Variants in ZFAND3 observed in about 807,000 individuals in gnomAD.
ZFAND3 encodes the protein zinc finger AN1-type containing 3.
A neutral mutation model predicts 29.6 loss-of-function variants in ZFAND3; 10 were observed. The ratio of observed to expected loss-of-function variants is 0.34; its 90% CI spans 0.21 to 0.57. The LOEUF (loss-of-function observed/expected upper bound fraction) is 0.57. ZFAND3 is among the 20% of genes least tolerant of loss of function. ZFAND3 has a pLI of 0.86. For synonymous variants in ZFAND3, 128 were observed against 112.6 expected (o/e 1.14, Z -0.87); for missense variants, 230 against 304.5 (o/e 0.76, Z 1.82).
rs1465667809 is a variant in ZFAND3, at chr6:38,121,309, C to T, written c.529+4570C>T. ...GAGGATGGCTTTCAGCCCAGGAGTTCGAGGCTACAGTGAGTCTTGGTCACA... is the reference window on the plus strand; with the variant it reads ...GAGGATGGCTTTCAGCCCAGGAGTTTGAGGCTACAGTGAGTCTTGGTCACA... On this transcript the variant is annotated intron_variant, in intron 5 of 5. Coordinates refer to ENST00000287218, the MANE Select transcript of ZFAND3 (RefSeq NM_021943.3). 2.0e-5 allele frequency among the ~76,000 whole-genome samples: 3 copies of T among 152,142 alleles called. No individual in the cohort carries two copies. In the East Asian group the frequency reaches 5.8e-4, roughly 29 times the overall value.
chr6:38,071,873 GA>G (rs1764460718), intron 3 of ZFAND3, among the ~76,000 whole-genome samples: 2 of 152,108 alleles, frequency 1.3e-5, no homozygotes, highest in African/African-American at 4.8e-5. Flanking sequence ...AAATATTTAG[GA>G]AAAGTTTTGT....
intron 1 of ZFAND3, among the ~76,000 whole-genome samples, chr6:37,835,924 A>G (rs1370799803): frequency 2.0e-5 from 3 of 152,202 alleles, no homozygotes; most frequent in Non-Finnish European, 4.4e-5. Context: ...CAGTTTATCT[A>G]GTTCCTTCTT....
At chr6:38,057,354 G>T (rs149479802) in intron 2 of ZFAND3, among the ~76,000 whole-genome samples, 36 of 152,308 alleles carry the variant, frequency 2.4e-4, no homozygotes, top group African/African-American at 7.2e-4. Context: ...GAAGTTGGAT[G>T]CTGGGTGGTT....
chr6:37,882,803 ATGTC>A (rs1455704207), intron 1 of ZFAND3, among the ~76,000 whole-genome samples: 1 of 152,110 alleles, frequency 6.6e-6, no homozygotes, highest in Admixed American at 6.5e-5. Context: ...CTTTGTTTCT[ATGTC>A]TGTTCACTGT....
At chr6:37,974,925 A>G (rs920062951) in intron 2 of ZFAND3, among the ~76,000 whole-genome samples, 1 of 152,218 alleles carries the variant, frequency 6.6e-6, no homozygotes, top group Non-Finnish European at 1.5e-5. Flanking sequence ...GTAGGAATAT[A>G]GATGTGTGCC....
chr6:37,863,721 C>T (rs1322686086), intron 1 of ZFAND3, among the ~76,000 whole-genome samples: 1 of 151,982 alleles, frequency 6.6e-6, no homozygotes, highest in Non-Finnish European at 1.5e-5. Context: ...ACCAGGCAGT[C>T]AGTCATCTGT....
intron 1 of ZFAND3, among the ~76,000 whole-genome samples, chr6:37,913,708 C>CT (rs56045448): frequency 0.042 from 4,700 of 113,020 alleles, 259 homozygotes; most frequent in African/African-American, 0.092. Context: ...CAGCTATATT[C>CT]TTTTTTTTTT....
intron 1 of ZFAND3, among the ~76,000 whole-genome samples, chr6:37,910,998 T>A (rs1765510925): frequency 6.6e-6 from 1 of 152,234 alleles, no homozygotes; most frequent in Non-Finnish European, 1.5e-5. Context: ...ATGCTGCAGT[T>A]GAACATGGGA....
intron 4 of ZFAND3, among the ~76,000 whole-genome samples, chr6:38,099,837 A>G (rs1765058682): frequency 6.6e-6 from 1 of 152,208 alleles, no homozygotes; most frequent in Admixed American, 6.5e-5. Flanking sequence ...CTCTTCAAAG[A>G]TAGTGTTATT....
intron 5 of ZFAND3, among the ~76,000 whole-genome samples, chr6:38,117,253 AG>A (rs988441754): frequency 2.5e-4 from 34 of 134,762 alleles, no homozygotes; most frequent in Admixed American, 8.3e-4. Context: ...ACCTTGAAAT[AG>A]CCTTTTTTTT....
chr6:37,963,386 A>G (rs1446130823), intron 2 of ZFAND3, among the ~76,000 whole-genome samples: 2 of 152,212 alleles, frequency 1.3e-5, no homozygotes, highest in Non-Finnish European at 1.5e-5. Flanking sequence ...GTGCCTACAT[A>G]GAAAAGAATA....
intron 2 of ZFAND3, among the ~76,000 whole-genome samples, chr6:38,053,115 A>G (rs1191481471): frequency 6.6e-6 from 1 of 151,966 alleles, no homozygotes; most frequent in African/African-American, 2.4e-5. Context: ...AACCAAGAGC[A>G]CTGGAGATGG....
chr6:38,078,231 C>T (rs1186474770), intron 3 of ZFAND3, among the ~76,000 whole-genome samples: 1 of 152,164 alleles, frequency 6.6e-6, no homozygotes, highest in African/African-American at 2.4e-5. Context: ...CATAGTGCTG[C>T]ATTATGTATG....
At chr6:38,106,281 T>C (rs1765207787) in intron 4 of ZFAND3, among the ~76,000 whole-genome samples, 1 of 152,038 alleles carries the variant, frequency 6.6e-6, no homozygotes, top group Non-Finnish European at 1.5e-5. Context: ...GCCTCCCAAG[T>C]AGCTGGGATT....
chr6:37,874,243 T>C (rs58611435), intron 1 of ZFAND3, among the ~76,000 whole-genome samples: 32,706 of 152,116 alleles, frequency 0.22, 4,351 homozygotes, highest in African/African-American at 0.37. Context: ...TGGCCGGACG[T>C]GGTGGCTCAC....
At chr6:38,082,859 A>G (rs1764689993) in intron 4 of ZFAND3, among the ~76,000 whole-genome samples, 1 of 152,086 alleles carries the variant, frequency 6.6e-6, no homozygotes, top group Non-Finnish European at 1.5e-5. Context: ...CTATTTTTGG[A>G]TAATTATTTT....
At chr6:38,059,770 G>A (rs1199207349) in intron 2 of ZFAND3, among the ~76,000 whole-genome samples, 11 of 152,022 alleles carry the variant, frequency 7.2e-5, no homozygotes, top group Admixed American at 2.6e-4. Flanking sequence ...CCAGCTACTC[G>A]GGGGCTGAGG....
At chr6:37,830,584 C>T (rs771832424) in intron 1 of ZFAND3, among the ~76,000 whole-genome samples, 6 of 152,202 alleles carry the variant, frequency 3.9e-5, no homozygotes, top group Non-Finnish European at 8.8e-5. Flanking sequence ...TAGAAACCCA[C>T]GGGCTCTTCT....
intron 5 of ZFAND3, 122 bp from the exon 6 acceptor site, chr6:38,152,113 C>T: frequency 2.2e-6 from 2 of 920,534 alleles, no homozygotes; most frequent in Non-Finnish European, 3.2e-6. Flanking sequence ...GGAACCCCTG[C>T]AGTGAGTGTT....
Sources: allele counts gnomAD v4.1 joint callset (sites outside exome capture counted in the v4.1 genomes callset), GRCh38; gene constraint gnomAD v4.1.1; transcripts MANE v1.5; gene names NCBI Gene and HGNC (gene_info 2026-07-23, HGNC 2026-07-21).